The following LDB2 variants were observed in gnomAD, a reference collection of about 807,000 sequenced individuals.
LDB2 encodes LIM domain-binding protein 2.
In LDB2, 12 loss-of-function variants were observed where a neutral mutation model predicts 44.3. That is an observed-to-expected ratio of 0.27 (90% CI 0.17 to 0.44). The LOEUF is 0.44. Among genes scored for constraint, LDB2 ranks in the 20% least tolerant of loss-of-function variants. The pLI is 1.00. For missense variants in LDB2, 344 were observed against 473.5 expected, an observed-to-expected ratio of 0.73 and a Z score of 2.54; for synonymous variants, 164 against 174.8, an observed-to-expected ratio of 0.94 and a Z score of 0.49.
At chr4:16,581,686 T>C (rs1465279529) in intron 5 of LDB2, among the ~76,000 whole-genome samples, 1 of 152,086 alleles carries the variant, frequency 6.6e-6, no homozygotes, top group Non-Finnish European at 1.5e-5. Flanking sequence ...GGCCATCTTC[T>C]CTATGAAGAC....
intron 1 of LDB2, among the ~76,000 whole-genome samples, chr4:16,805,671 C>A (rs1244838828): frequency 6.6e-6 from 1 of 152,178 alleles, no homozygotes; most frequent in Non-Finnish European, 1.5e-5. Flanking sequence ...AATTGGGAAC[C>A]ACTACCTTGT....
intron 5 of LDB2, among the ~76,000 whole-genome samples, chr4:16,531,248 T>C (rs892754412): frequency 6.6e-6 from 1 of 152,236 alleles, no homozygotes; most frequent in African/African-American, 2.4e-5. Flanking sequence ...CAAGGCTGAT[T>C]AAACAGCATG....
chr4:16,778,073 C>A (rs924019283), intron 1 of LDB2, among the ~76,000 whole-genome samples: 1 of 152,148 alleles, frequency 6.6e-6, no homozygotes, highest in Admixed American at 6.5e-5. Flanking sequence ...CAGCTCTCAG[C>A]ATACCTCAAC....
intron 2 of LDB2, among the ~76,000 whole-genome samples, chr4:16,716,207 A>T (rs1054137828): frequency 3.9e-5 from 6 of 152,148 alleles, no homozygotes; most frequent in Admixed American, 6.6e-5. Flanking sequence ...GCTTTCAAAG[A>T]GGAATATGGC....
intron 2 of LDB2, among the ~76,000 whole-genome samples, chr4:16,643,375 A>T (rs369506613): frequency 6.6e-6 from 1 of 152,228 alleles, no homozygotes; most frequent in Admixed American, 6.5e-5. Flanking sequence ...ATATCAAAGG[A>T]TTGATAATAG....
intron 6 of LDB2, among the ~76,000 whole-genome samples, chr4:16,511,559 ATCTTCCCTT>A (rs1721758776): frequency 6.8e-6 from 1 of 146,126 alleles, no homozygotes; most frequent in Non-Finnish European, 1.5e-5. Flanking sequence ...CTTCTTCCTT[ATCTTCCCTT>A]TCTTCCTTCC....
rs33952735 is a variant in LDB2 at position 16,520,298 on chromosome 4, G to GAA, written c.616-8196_616-8195dup. 8.4e-3 allele frequency among the ~76,000 whole-genome samples: 1,237 copies of GAA among 147,070 alleles called. 12 individuals are homozygous for GAA. The highest frequency in any genetic ancestry group is 0.028 in the African/African-American group (1,127 of 40,098). ...ATGAAAAAATATATGGAATCTAAAA[G>GAA]AAAAAAAAAACAAAAAAGCAAATAA... On this transcript the variant is annotated intron_variant, in intron 5 of 7. Coordinates refer to ENST00000304523, the MANE Select transcript of LDB2 (RefSeq NM_001290.5).
chr4:16,654,291 T>C (rs891075813), intron 2 of LDB2, among the ~76,000 whole-genome samples: 3 of 152,120 alleles, frequency 2.0e-5, no homozygotes, highest in African/African-American at 7.2e-5. Flanking sequence ...ATCCCTGTTT[T>C]GTCTGTTGAT....
intron 2 of LDB2, among the ~76,000 whole-genome samples, chr4:16,686,966 C>A (rs1749402340): frequency 6.6e-6 from 1 of 152,242 alleles, no homozygotes; most frequent in East Asian, 1.9e-4. Flanking sequence ...CTCTTCCCTA[C>A]TTTCTGCTTT....
intron 2 of LDB2, among the ~76,000 whole-genome samples, chr4:16,633,883 C>A (rs1415343817): frequency 1.3e-5 from 2 of 152,156 alleles, no homozygotes; most frequent in Non-Finnish European, 2.9e-5. Flanking sequence ...CTACAGTAAC[C>A]AAAACAGCAT....
intron 2 of LDB2, among the ~76,000 whole-genome samples, chr4:16,734,307 CTGTTGATTAAGTAAA>C (rs1247162613): frequency 6.6e-6 from 1 of 152,090 alleles, no homozygotes; most frequent in African/African-American, 2.4e-5. Context: ...GTATTTAATC[CTGTTGATTAAGTAAA>C]TGAGCAAATG....
At chr4:16,819,512 C>G (rs1268094963) in intron 1 of LDB2, among the ~76,000 whole-genome samples, 1 of 147,792 alleles carries the variant, frequency 6.8e-6, no homozygotes, top group Non-Finnish European at 1.5e-5. Flanking sequence ...TTCCCAAGAC[C>G]CAGGTCATGT....
chr4:16,812,916 T>G lies in LDB2; in HGVS notation c.133-53656A>C, dbSNP rs149147254. On this transcript the variant is annotated intron_variant, in intron 1 of 7. Coordinates refer to ENST00000304523, the MANE Select transcript of LDB2 (RefSeq NM_001290.5). The stretch of plus-strand genomic sequence containing the variant: ...GATGGCGAAAAAACAAAAATTAACA[T>G]TTAAATATTACCAATGGGACACAGA... 3.9e-5 allele frequency among the ~76,000 whole-genome samples: 6 copies of G among 152,214 alleles called. No homozygotes were observed. In the East Asian group the frequency reaches 1.2e-3, roughly 29 times the overall value.
intron 1 of LDB2, among the ~76,000 whole-genome samples, chr4:16,883,410 G>A (rs1250330691): frequency 6.6e-6 from 1 of 152,170 alleles, no homozygotes; most frequent in Non-Finnish European, 1.5e-5. Flanking sequence ...GAGGGAAGAA[G>A]GTACGAGAAA....
intron 1 of LDB2, among the ~76,000 whole-genome samples, chr4:16,886,546 C>T (rs1044827629): frequency 6.6e-6 from 1 of 152,140 alleles, no homozygotes; most frequent in Non-Finnish European, 1.5e-5. Context: ...ATTTTCTTTA[C>T]CTCCTTGAAC....
At chr4:16,779,021 A>T (rs1772570410) in intron 1 of LDB2, among the ~76,000 whole-genome samples, 1 of 152,210 alleles carries the variant, frequency 6.6e-6, no homozygotes, top group Non-Finnish European at 1.5e-5. Flanking sequence ...ATTTCGAGAC[A>T]AATGCATTGT....
At chr4:16,880,681 G>A (rs960094966) in intron 1 of LDB2, among the ~76,000 whole-genome samples, 7 of 151,934 alleles carry the variant, frequency 4.6e-5, no homozygotes, top group East Asian at 1.9e-4. Context: ...GCCAGGCGTC[G>A]GATCACGAGG....
intron 2 of LDB2, among the ~76,000 whole-genome samples, chr4:16,649,953 TA>T (rs1251852052): frequency 6.6e-6 from 1 of 152,214 alleles, no homozygotes; most frequent in Non-Finnish European, 1.5e-5. Context: ...TACCTGTCAA[TA>T]ACTGGTGAGT....
chr4:16,823,707 T>C (rs145738806), intron 1 of LDB2, among the ~76,000 whole-genome samples: 7 of 152,326 alleles, frequency 4.6e-5, no homozygotes, highest in East Asian at 1.9e-4. Context: ...CTAGCTCTGA[T>C]GATTAGCAAG....
Sources: gnomAD v4.1 joint callset for allele counts (sites outside exome capture counted in the v4.1 genomes callset) on GRCh38, gnomAD v4.1.1 for gene constraint, MANE v1.5 for transcripts, NCBI Gene and HGNC (gene_info 2026-07-23, HGNC 2026-07-21) for gene names.